RBFOX1: variants seen among roughly 807,000 people sequenced by gnomAD.
RBFOX1 encodes RNA binding protein fox-1 homolog 1.
Under a neutral mutation model 57.7 loss-of-function variants are expected in RBFOX1, and 8 were observed. The observed-to-expected ratio is 0.14, with a 90% CI of 0.08 to 0.25. RBFOX1 has a LOEUF of 0.25. Ranked by LOEUF, RBFOX1 falls within the 10% of genes least tolerant of loss-of-function variation. The probability of loss-of-function intolerance (pLI) is 1.00; values close to 1 mark genes in which losing one functional copy is unlikely to be tolerated. For synonymous variants in RBFOX1, 326 were observed against 222.4 expected (o/e 1.47, Z -4.15); for missense variants, 611 against 548.5 (o/e 1.11, Z -1.14).
At chr16:6,173,582 TGG>T (rs1463435182) in intron 1 of RBFOX1, among the ~76,000 whole-genome samples, 1 of 145,582 alleles carries the variant, frequency 6.9e-6, no homozygotes, top group African/African-American at 2.6e-5. Context: ...TTGAATTGTA[TGG>T]AGTGGACACT....
intron 4 of RBFOX1, among the ~76,000 whole-genome samples, chr16:7,187,171 AAAAT>A (rs1347991871): frequency 6.6e-6 from 1 of 152,010 alleles, no homozygotes; most frequent in Non-Finnish European, 1.5e-5. Flanking sequence ...TCTGTCTCAA[AAAAT>A]AAATAAAAAA....
chr16:5,414,021 C>G (rs917737976), intron 1 of RBFOX1, among the ~76,000 whole-genome samples: 8 of 152,176 alleles, frequency 5.3e-5, no homozygotes, highest in Admixed American at 6.5e-5. Context: ...AGTCATTTGT[C>G]TACTGCAGGG....
At chr16:6,075,044 A>G (rs2095879015) in intron 1 of RBFOX1, among the ~76,000 whole-genome samples, 1 of 152,214 alleles carries the variant, frequency 6.6e-6, no homozygotes, top group African/African-American at 2.4e-5. Context: ...CCTCCAGAAC[A>G]GAGAGGGGGT....
chr16:7,549,919 T>C (rs2085807452), intron 5 of RBFOX1, among the ~76,000 whole-genome samples: 1 of 151,870 alleles, frequency 6.6e-6, no homozygotes, highest in African/African-American at 2.4e-5. Context: ...ATCATATCCT[T>C]CTCTTTTTCT....
chr16:5,796,664 A>G (rs900325125), intron 3 of RBFOX1, among the ~76,000 whole-genome samples: 1 of 152,212 alleles, frequency 6.6e-6, no homozygotes, highest in Admixed American at 6.5e-5. Context: ...GTCAATGCCC[A>G]TTTGATACTC....
intron 10 of RBFOX1, among the ~76,000 whole-genome samples, chr16:7,613,243 T>C (rs1210306919): frequency 6.6e-6 from 1 of 152,010 alleles, no homozygotes; most frequent in Admixed American, 6.6e-5. Context: ...AAAGAACAAT[T>C]TGTGGTTTTG....
intron 1 of RBFOX1, among the ~76,000 whole-genome samples, chr16:6,072,051 A>G (rs1367151160): frequency 6.6e-6 from 1 of 152,354 alleles, no homozygotes. Flanking sequence ...AGAGGTTTAT[A>G]GACTCACAGC....
At chr16:7,207,166 T>A (rs1006895560) in intron 4 of RBFOX1, among the ~76,000 whole-genome samples, 25 of 152,202 alleles carry the variant, frequency 1.6e-4, no homozygotes, top group African/African-American at 6.0e-4. Context: ...GTACGCTGTA[T>A]TTTCTTTTAT....
At chr16:5,501,512 G>C (rs2043197507) in intron 2 of RBFOX1, among the ~76,000 whole-genome samples, 1 of 152,022 alleles carries the variant, frequency 6.6e-6, no homozygotes, top group Admixed American at 6.6e-5. Flanking sequence ...TGTCTCTGGA[G>C]GCAGATGGGC....
chr16:5,417,654 C>A (rs1347654725), intron 1 of RBFOX1, among the ~76,000 whole-genome samples: 1 of 152,172 alleles, frequency 6.6e-6, no homozygotes, highest in African/African-American at 2.4e-5. Flanking sequence ...CAGGTTGGAT[C>A]TGGGGAAGGC....
rs1357760056 is a variant in RBFOX1, at chr16:5,512,958, C to T, written c.258+45704C>T. On this transcript the variant is annotated intron_variant, in intron 2 of 2. Transcript: ENST00000585867. The stretch of plus-strand genomic sequence containing the variant: ...TGAGACAGGGTCTCAGTTTGTCAAC[C>T]AGGCAGGAGTGCAATGGCGCCATCA... Among the ~76,000 whole-genome samples, 3 of 152,148 alleles carry T rather than the reference C, an allele frequency of 2.0e-5. No individual in the cohort carries two copies. In the East Asian group the frequency reaches 5.8e-4, roughly 29 times the overall value.
intron 3 of RBFOX1, among the ~76,000 whole-genome samples, chr16:6,714,635 G>A (rs372723589): frequency 4.2e-4 from 64 of 152,202 alleles, no homozygotes; most frequent in African/African-American, 1.4e-3. Context: ...TATTGAAGAT[G>A]AACATATTAC....
chr16:6,181,318 G>A (rs930920978), intron 1 of RBFOX1, among the ~76,000 whole-genome samples: 2 of 152,218 alleles, frequency 1.3e-5, no homozygotes, highest in Non-Finnish European at 2.9e-5. Flanking sequence ...GTTAACTAGG[G>A]ATGAAGCCCT....
At chr16:6,253,659 A>ATG (rs1201484314) in intron 1 of RBFOX1, among the ~76,000 whole-genome samples, 4 of 137,890 alleles carry the variant, frequency 2.9e-5, no homozygotes, top group African/African-American at 8.0e-5. Context: ...AAAGAAATAG[A>ATG]TGTGTGTGTG....
chr16:6,826,383 C>T (rs1236893565), intron 3 of RBFOX1, among the ~76,000 whole-genome samples: 2 of 152,116 alleles, frequency 1.3e-5, no homozygotes, highest in Non-Finnish European at 2.9e-5. Flanking sequence ...TAGAACACTG[C>T]CTGGTACATA....
intron 3 of RBFOX1, among the ~76,000 whole-genome samples, chr16:6,838,216 C>G (rs563307370): frequency 1.3e-5 from 2 of 151,506 alleles, no homozygotes; most frequent in African/African-American, 2.4e-5. Flanking sequence ...GTGTATTGTT[C>G]CCTTCCCTGT....
intron 1 of RBFOX1, among the ~76,000 whole-genome samples, chr16:6,161,519 A>C (rs2096879162): frequency 1.3e-5 from 2 of 152,324 alleles, no homozygotes; most frequent in Admixed American, 1.3e-4. Context: ...CCTGCAGAGA[A>C]AACCTCATAG....
intron 1 of RBFOX1, among the ~76,000 whole-genome samples, chr16:6,178,121 G>A (rs1431725169): frequency 2.0e-5 from 3 of 150,666 alleles, no homozygotes; most frequent in East Asian, 3.9e-4. Flanking sequence ...ATTTGGTTAT[G>A]GTCATGGACA....
At chr16:7,470,426 G>C (rs1386151202) in intron 4 of RBFOX1, among the ~76,000 whole-genome samples, 1 of 152,090 alleles carries the variant, frequency 6.6e-6, no homozygotes, top group African/African-American at 2.4e-5. Context: ...GATGGATAGA[G>C]GGATGGTTGG....
Sources: gnomAD v4.1 joint callset for allele counts (sites outside exome capture counted in the v4.1 genomes callset) on GRCh38, gnomAD v4.1.1 for gene constraint, MANE v1.5 for transcripts, NCBI Gene and HGNC (gene_info 2026-07-23, HGNC 2026-07-21) for gene names.